Variants in SLC12A7 observed in about 807,000 individuals in gnomAD.
SLC12A7 encodes solute carrier family 12 member 7.
In SLC12A7, 100 loss-of-function variants were observed where a neutral mutation model predicts 120.6. That is an observed-to-expected ratio of 0.83 (90% CI 0.71 to 0.98). The LOEUF (loss-of-function observed/expected upper bound fraction) is 0.98, where lower values mean the gene tolerates loss of function less well. SLC12A7 is among the 50% of genes least tolerant of loss of function. The pLI is 0.00. For synonymous variants in SLC12A7, 760 were observed against 678.0 expected, an observed-to-expected ratio of 1.12 and a Z score of -1.88; for missense variants, 1,373 against 1,548.1, an observed-to-expected ratio of 0.89 and a Z score of 1.90.
At chr5:1,113,879 C>G (rs183268528), upstream of SLC12A7, among the ~76,000 whole-genome samples, 18 of 152,342 alleles carry the variant, frequency 1.2e-4, no homozygotes, top group African/African-American at 4.3e-4. Context: ...CCACCCAGCG[C>G]TATTCCCGAG....
chr5:1,070,173 GCCCCCAGTGAGC>G (rs1156856346), intron 17 of SLC12A7, among the ~76,000 whole-genome samples: 5 of 11,014 alleles, frequency 4.5e-4, no homozygotes, highest in Admixed American at 1.0e-3. Flanking sequence ...CACTTATGCA[GCCCCCAGTGAGC>G]CCCCAGTGAG....
At chr5:1,093,929 C>T (rs1030102827) in intron 2 of SLC12A7, among the ~76,000 whole-genome samples, 1 of 152,116 alleles carries the variant, frequency 6.6e-6, no homozygotes, top group Non-Finnish European at 1.5e-5. Flanking sequence ...CCGGAGCACC[C>T]TAGATCCAGG....
intron 1 of SLC12A7, among the ~76,000 whole-genome samples, chr5:1,099,431 AACCCAGCCCCG>A: frequency 3.5e-5 from 5 of 141,712 alleles, no homozygotes; most frequent in African/African-American, 1.6e-4. Context: ...CACGGACATC[AACCCAGCCCCG>A]ACCCAGTCCA....
rs965128108 is a variant in SLC12A7 at position 1,090,731 on chromosome 5, G to A, written c.343-1603C>T. ...GCTCAGCCTCAAATCCCGCAGCCCC[G>A]TGACAGGCGAGTCAGAAGCTGGTTC... On this transcript the variant is annotated intron_variant, in intron 3 of 23. Transcript: ENST00000264930. Among the ~76,000 whole-genome samples, 4 of 152,204 alleles carry A rather than the reference G, an allele frequency of 2.6e-5. No individual in the cohort carries two copies. The East Asian group carries it at 5.8e-4, about 22-fold the overall frequency.
At chr5:1,131,786 C>T in the SLC12A7 span, among the ~76,000 whole-genome samples, 1 of 152,236 alleles carries the variant, frequency 6.6e-6, no homozygotes, top group Non-Finnish European at 1.5e-5. Context: ...CTTTTGTGGC[C>T]TGTGCTGTGG....
rs1735004453 is a variant in SLC12A7, at chr5:1,051,282, C to G, written c.*1078G>C. The G allele has an allele frequency of 4.9e-6, 1 of 202,308 alleles. No homozygotes were observed. The highest frequency in any genetic ancestry group is 9.9e-6 in the Non-Finnish European group (1 of 101,318). 12.5% of individuals were successfully genotyped at this position (202,308 alleles called of 1,614,324 possible). A position where few individuals can be genotyped will look rare whatever the true frequency, so the allele number is the denominator to read the frequency against. On this transcript the variant is annotated 3_prime_UTR_variant, in exon 24 of 24. Coordinates refer to ENST00000264930, the MANE Select transcript of SLC12A7 (RefSeq NM_006598.3). ...ACCTGACACCAGGCGCCACTGCTGC[C>G]TGAGGACCTCCCACGTCGGGTCCGT...
intron 5 of SLC12A7, among the ~76,000 whole-genome samples, chr5:1,087,741 C>T (rs918530730): frequency 6.6e-6 from 1 of 152,240 alleles, no homozygotes; most frequent in Non-Finnish European, 1.5e-5. Flanking sequence ...CACATGCACT[C>T]AGAAGCAGAC....
At chr5:1,117,203 G>A in the SLC12A7 span, among the ~76,000 whole-genome samples, 1 of 152,174 alleles carries the variant, frequency 6.6e-6, no homozygotes, top group Non-Finnish European at 1.5e-5. The surrounding 1 kb of genome is among the most constrained non-coding windows in gnomAD (Gnocchi z 4.5). Context: ...GGCCTGGCCT[G>A]CGGGGGTGGG....
rs2150772342 is a variant in SLC12A7 at position 1,053,350 on chromosome 5, G to A, written c.3159C>T (p.Asn1053=). The A allele has an allele frequency of 1.2e-6, 2 of 1,613,752 alleles. No homozygotes were observed. The highest frequency in any genetic ancestry group is 1.7e-6 in the Non-Finnish European group (2 of 1,179,916). ...GPPKNRQGDE[N]YMEFLEVLTE... is the part of the protein sequence containing the mutation. ...CAGGCACACTGCAAGAAAGGATACA[G>A]TTCTCGTCTCCCTGCCGGTTTTTGG... Residue 1053 remains asparagine (N), a splice_region_variant and synonymous_variant, in exon 23 of 24, where the codon AAC becomes AAT. Coordinates refer to ENST00000264930, the MANE Select transcript of SLC12A7 (RefSeq NM_006598.3).
intron 21 of SLC12A7, 52 bp from the exon 22 acceptor site, chr5:1,057,701 C>A: frequency 6.6e-7 from 1 of 1,521,428 alleles, no homozygotes; most frequent in Non-Finnish European, 8.8e-7. Context: ...CTCCTCTGGG[C>A]GAGAGCGACC....
chr5:1,081,938 G>T (rs1052568268), intron 8 of SLC12A7, among the ~76,000 whole-genome samples, 194 bp from the exon 9 acceptor site: 2 of 152,262 alleles, frequency 1.3e-5, no homozygotes, highest in Non-Finnish European at 2.9e-5. Flanking sequence ...CTGCGTCTAC[G>T]GAGGGAAGGT....
At chr5:1,089,161 G>A (rs879095446) in intron 3 of SLC12A7, 33 bp from the exon 4 acceptor site, 22 of 1,603,978 alleles carry the variant, frequency 1.4e-5, no homozygotes, top group South Asian at 3.3e-5. Flanking sequence ...CCAGGGGCTC[G>A]TACCCCACAC....
rs1013984595 is a variant in SLC12A7, at chr5:1,090,444, C to T, written c.343-1316G>A. Among the ~76,000 whole-genome samples, 106 of 152,210 alleles carry T rather than the reference C, an allele frequency of 7.0e-4. 1 individual carries two copies. Among genetic ancestry groups the T allele is most frequent in the African/African-American group, 2.3e-3 (97 of 41,546 alleles). On this transcript the variant is annotated intron_variant, in intron 3 of 23. Transcript: ENST00000264930. ...GGGGGCCCTGGAGAGGAGAGGGTGA[C>T]GGGGCTGGGGGCCGCTGCTGGGCCC...
chr5:1,074,954 G>C (rs1003299619), intron 15 of SLC12A7, among the ~76,000 whole-genome samples: 5 of 152,196 alleles, frequency 3.3e-5, no homozygotes, highest in African/African-American at 4.8e-5. Context: ...CCCATGACAG[G>C]GAAGTGGCTG....
Position 1,069,014 on chromosome 5 carries a change from T to TATGGGGACCA in SLC12A7, c.2242-3546_2242-3537dup, listed in dbSNP as rs1205465304. Among the ~76,000 whole-genome samples, 99 of 152,202 alleles carry TATGGGGACCA rather than the reference T, an allele frequency of 6.5e-4. 1 individual carries two copies. Among genetic ancestry groups the TATGGGGACCA allele is most frequent in the Non-Finnish European group, 1.3e-4 (9 of 68,028 alleles). On this transcript the variant is annotated intron_variant, in intron 17 of 23. Transcript: ENST00000264930. ...GGGATAAGGAACACGGAAAGGGACA[T>TATGGGGACCA]ATGGGGACCAGGACCGTGAACATCC... is the stretch of plus-strand genomic sequence containing the variant.
At chr5:1,125,566 T>C in the SLC12A7 span, among the ~76,000 whole-genome samples, 1 of 152,232 alleles carries the variant, frequency 6.6e-6, no homozygotes, top group Admixed American at 6.5e-5. Flanking sequence ...TTTATAACTT[T>C]GACTAATTGG....
At chr5:1,067,039 A>G (rs1013721444) in intron 17 of SLC12A7, among the ~76,000 whole-genome samples, 3 of 152,056 alleles carry the variant, frequency 2.0e-5, no homozygotes, top group Non-Finnish European at 4.4e-5. Context: ...GCTCACACCT[A>G]GAGCTCCACC....
At chr5:1,083,245 T>C (rs554299088) in intron 8 of SLC12A7, among the ~76,000 whole-genome samples, 388 of 129,786 alleles carry the variant, frequency 3.0e-3, no homozygotes, top group African/African-American at 6.8e-3. Flanking sequence ...CTGGGCTTCC[T>C]GTCTTGGGTT....
chr5:1,087,445 G>A (rs1439767913), intron 5 of SLC12A7, among the ~76,000 whole-genome samples: 3 of 152,280 alleles, frequency 2.0e-5, no homozygotes, highest in African/African-American at 7.2e-5. Flanking sequence ...AACCACGCAC[G>A]CTATCACTGG....
Sources: gnomAD v4.1 joint callset for allele counts (sites outside exome capture counted in the v4.1 genomes callset) on GRCh38, gnomAD v4.1.1 for gene constraint, Gnocchi (gnomAD v3.1) non-coding constraint, MANE v1.5 for transcripts, NCBI Gene and HGNC (gene_info 2026-07-23, HGNC 2026-07-21) for gene names.